The following TBC1D14 variants were observed in gnomAD, a reference collection of about 807,000 sequenced individuals.
TBC1D14 encodes TBC1 domain family member 14.
A neutral mutation model predicts 79.0 loss-of-function variants in TBC1D14; 26 were observed. That is an observed-to-expected ratio of 0.33 (90% CI 0.24 to 0.46). The LOEUF is 0.46. Ranked by LOEUF, TBC1D14 falls within the 20% of genes least tolerant of loss-of-function variation. TBC1D14 has a pLI of 1.00. For missense variants in TBC1D14, 769 were observed against 887.6 expected (o/e 0.87, Z 1.70); for synonymous variants, 394 against 349.9 (o/e 1.13, Z -1.40).
chr4:6,992,591 C>T (rs1718617078), intron 3 of TBC1D14, among the ~76,000 whole-genome samples: 1 of 152,230 alleles, frequency 6.6e-6, no homozygotes, highest in Admixed American at 6.5e-5. Flanking sequence ...GTTCACCAGA[C>T]CAGGCTCAGC....
In TBC1D14 at chr4:7,022,019, C is replaced by T. The variant is rs373815937; in HGVS notation, c.1758-2985C>T. On this transcript the variant is annotated intron_variant, in intron 12 of 13. Transcript: ENST00000409757. ...GTGTCCCCCTTCAGTGGCCTGTTCA[C>T]GGCTGGCTTTCAAATCTAAATGTGG... 2.6e-3 allele frequency among the ~76,000 whole-genome samples: 395 copies of T among 152,362 alleles called. 1 individual carries two copies. The highest frequency in any genetic ancestry group is 5.6e-3 in the South Asian group (27 of 4,830).
At chr4:6,986,764 C>T (rs1003310804) in intron 3 of TBC1D14, among the ~76,000 whole-genome samples, 51 of 152,250 alleles carry the variant, frequency 3.3e-4, no homozygotes, top group Non-Finnish European at 6.6e-4. Context: ...AGGGCGCTGT[C>T]CCGCCAGCTT....
At chr4:6,989,426 C>CA (rs959481762) in intron 3 of TBC1D14, among the ~76,000 whole-genome samples, 5 of 152,230 alleles carry the variant, frequency 3.3e-5, no homozygotes, top group Admixed American at 2.6e-4. Flanking sequence ...CTTCTGCTGT[C>CA]AGAGTGCCTC....
chr4:7,028,033 C>T (rs949957462), intron 13 of TBC1D14, among the ~76,000 whole-genome samples: 5 of 144,656 alleles, frequency 3.5e-5, no homozygotes, highest in African/African-American at 1.3e-4. Context: ...CATACATGCA[C>T]ACATCACACA....
intron 2 of TBC1D14, among the ~76,000 whole-genome samples, chr4:6,952,492 A>G (rs1714134291): frequency 6.6e-6 from 1 of 152,258 alleles, no homozygotes; most frequent in Non-Finnish European, 1.5e-5. Flanking sequence ...ACTCTCTGCC[A>G]GGCCAGCTCT....
intron 13 of TBC1D14, among the ~76,000 whole-genome samples, chr4:7,027,642 CAT>C (rs1312124524): frequency 1.4e-5 from 2 of 143,172 alleles, no homozygotes; most frequent in African/African-American, 5.2e-5. Flanking sequence ...ACCCCACACA[CAT>C]CACACACCCC....
chr4:7,002,275 A>T (rs1282799968), intron 7 of TBC1D14, among the ~76,000 whole-genome samples: 1 of 152,208 alleles, frequency 6.6e-6, no homozygotes, highest in Non-Finnish European at 1.5e-5. Context: ...TGAGAAGATG[A>T]ATAACGTTTA....
intron 11 of TBC1D14, among the ~76,000 whole-genome samples, chr4:7,011,832 A>T (rs1329176419): frequency 6.6e-6 from 1 of 151,362 alleles, no homozygotes; most frequent in African/African-American, 2.4e-5. Context: ...TGCTGGGATT[A>T]CAGGCGTGAG....
chr4:6,980,874 C>T (rs1717308679), intron 3 of TBC1D14, among the ~76,000 whole-genome samples: 1 of 151,878 alleles, frequency 6.6e-6, no homozygotes, highest in South Asian at 2.1e-4. Flanking sequence ...CGCCACCACG[C>T]CCGGCTAATT....
At chr4:6,981,643 T>G (rs903371493) in intron 3 of TBC1D14, among the ~76,000 whole-genome samples, 11 of 152,220 alleles carry the variant, frequency 7.2e-5, no homozygotes, top group African/African-American at 2.7e-4. Flanking sequence ...ATTAACAAAT[T>G]GAATCCCATA....
chr4:6,949,044 C>A (rs933701231), intron 2 of TBC1D14, among the ~76,000 whole-genome samples: 2 of 151,480 alleles, frequency 1.3e-5, no homozygotes, highest in African/African-American at 4.8e-5. Flanking sequence ...CGTGGTGGCG[C>A]ACACCTGTAA....
At chr4:7,019,441 G>C (rs1225493194) in intron 12 of TBC1D14, among the ~76,000 whole-genome samples, 1 of 152,152 alleles carries the variant, frequency 6.6e-6, no homozygotes, top group Non-Finnish European at 1.5e-5. Flanking sequence ...GTTGCCCCAC[G>C]AGTGCCTTAG....
At chr4:6,915,787 G>A (rs1039159736) in intron 1 of TBC1D14, among the ~76,000 whole-genome samples, 1 of 152,038 alleles carries the variant, frequency 6.6e-6, no homozygotes, top group African/African-American at 2.4e-5. Context: ...GGCCATCGTG[G>A]AGTAGGAATG....
intron 1 of TBC1D14, among the ~76,000 whole-genome samples, chr4:6,919,431 C>G (rs1723660509): frequency 6.6e-6 from 1 of 152,110 alleles, no homozygotes; most frequent in Non-Finnish European, 1.5e-5. Flanking sequence ...CTGGCGTGAG[C>G]CACCATGCTG....
chr4:6,923,300 C>T, intron 1 of TBC1D14, 73 bp from the exon 2 acceptor site: 1 of 1,482,162 alleles, frequency 6.7e-7, no homozygotes, highest in Non-Finnish European at 9.1e-7. Context: ...CAGACCATTT[C>T]AGCTGTGTGT....
chr4:6,949,688 A>AAG (rs1303390908), intron 2 of TBC1D14, among the ~76,000 whole-genome samples: 1 of 151,580 alleles, frequency 6.6e-6, no homozygotes, highest in Non-Finnish European at 1.5e-5. Context: ...GTCTCAAAAA[A>AAG]AAAAAAAAAT....
At chr4:6,987,103 G>C in intron 3 of TBC1D14, 1 of 846,786 alleles carries the variant, frequency 1.2e-6, no homozygotes, top group Non-Finnish European at 1.4e-6. Context: ...CCCGCCCCTC[G>C]CCGCTCATCA....
At chr4:6,963,684 G>A (rs756492106) in intron 2 of TBC1D14, among the ~76,000 whole-genome samples, 3 of 152,206 alleles carry the variant, frequency 2.0e-5, no homozygotes, top group Non-Finnish European at 4.4e-5. Flanking sequence ...TTGTTTTGGG[G>A]TCGCACTTCA....
chr4:6,943,175 T>C (rs2108980771), intron 2 of TBC1D14, among the ~76,000 whole-genome samples: 1 of 151,186 alleles, frequency 6.6e-6, no homozygotes, highest in South Asian at 2.1e-4. Context: ...GAGCCAGCCG[T>C]GCCTGAAGCG....
Sources: gnomAD v4.1 joint callset for allele counts (sites outside exome capture counted in the v4.1 genomes callset) on GRCh38, gnomAD v4.1.1 for gene constraint, MANE v1.5 for transcripts, NCBI Gene and HGNC (gene_info 2026-07-23, HGNC 2026-07-21) for gene names.